FRMPD4: variants seen among roughly 807,000 people sequenced by gnomAD.
FRMPD4 encodes FERM and PDZ domain-containing protein 4.
Under a neutral mutation model 94.1 loss-of-function variants are expected in FRMPD4, and 22 were observed. The observed-to-expected ratio is 0.23, with a 90% confidence interval of 0.17 to 0.33. The LOEUF (loss-of-function observed/expected upper bound fraction) is 0.33, where lower values mean the gene tolerates loss of function less well. Ranked by LOEUF, FRMPD4 falls within the 10% of genes least tolerant of loss-of-function variation. FRMPD4 has a pLI of 1.00. For missense variants in FRMPD4, 1,111 were observed against 1,339.9 expected (o/e 0.83, Z 2.67); for synonymous variants, 631 against 548.6 (o/e 1.15, Z -2.10).
intron 3 of FRMPD4, among the ~76,000 whole-genome samples, chrX:12,033,127 T>G (rs1390163640): frequency 8.9e-6 from 1 of 112,179 alleles, no homozygotes; most frequent in African/African-American, 3.2e-5. Flanking sequence ...GTAAGTGGTG[T>G]CAATTTAGCG....
rs1001043056 is a variant in FRMPD4, at chrX:12,666,362, A to T, written c.423-8501A>T. 8.1e-5 allele frequency among the ~76,000 whole-genome samples: 9 copies of T among 111,443 alleles called. No individual in the cohort carries two copies. In the Admixed American group the frequency reaches 8.6e-4, roughly 11 times the overall value. On this transcript the variant is annotated intron_variant, in intron 4 of 16. Coordinates refer to ENST00000675598, the MANE Select transcript of FRMPD4 (RefSeq NM_001368397.1). ...TTTAACACCCCACTGTCAGTAGTAG[A>T]CAGATCAATGAGACAGAAAATTAAC... is the stretch of plus-strand genomic sequence containing the variant.
At chrX:12,288,661 C>T (rs922804976) in intron 1 of FRMPD4, among the ~76,000 whole-genome samples, 1 of 111,717 alleles carries the variant, frequency 9.0e-6, no homozygotes, top group Admixed American at 9.5e-5. Flanking sequence ...TAATTTTTCT[C>T]TGCCAAGATG....
chrX:12,018,151 C>T (rs893178056), intron 3 of FRMPD4, among the ~76,000 whole-genome samples: 3 of 110,258 alleles, frequency 2.7e-5, no homozygotes, highest in Non-Finnish European at 5.7e-5. Flanking sequence ...AAAAAAACAA[C>T]CAGGAACTTA....
At chrX:12,331,293 C>A in intron 1 of FRMPD4, among the ~76,000 whole-genome samples, 1 of 103,348 alleles carries the variant, frequency 9.7e-6, no homozygotes, top group South Asian at 4.4e-4. Flanking sequence ...ATTATAAAGA[C>A]ATTAAGGTTA....
chrX:12,045,425 T>A (rs1289409876), intron 3 of FRMPD4, among the ~76,000 whole-genome samples: 5 of 111,754 alleles, frequency 4.5e-5, no homozygotes, highest in Non-Finnish European at 9.4e-5. Context: ...AAGGTTGTTT[T>A]TCCTTTGCAT....
intron 2 of FRMPD4, among the ~76,000 whole-genome samples, chrX:12,504,744 T>C (rs773843394): frequency 1.1e-4 from 12 of 112,396 alleles, no homozygotes; most frequent in Non-Finnish European, 2.3e-4. Flanking sequence ...TAATTTGGCA[T>C]ATGGCACAAA....
chrX:12,127,375 G>A (rs922600497), intron 3 of FRMPD4, among the ~76,000 whole-genome samples: 4 of 111,607 alleles, frequency 3.6e-5, no homozygotes, highest in Non-Finnish European at 7.5e-5. Context: ...TTCTTCACAA[G>A]GCAGCAGGAG....
intron 3 of FRMPD4, among the ~76,000 whole-genome samples, chrX:12,006,950 A>C (rs1163324140): frequency 1.8e-5 from 2 of 112,075 alleles, no homozygotes; most frequent in Admixed American, 1.9e-4. Flanking sequence ...TCTACTTAAA[A>C]GAGTTAAGTG....
intron 1 of FRMPD4, among the ~76,000 whole-genome samples, chrX:12,233,026 C>T (rs950629438): frequency 1.8e-5 from 2 of 111,881 alleles, no homozygotes; most frequent in Non-Finnish European, 3.8e-5. Context: ...TTGCCTTACC[C>T]AGTACTAAAG....
intron 3 of FRMPD4, among the ~76,000 whole-genome samples, chrX:12,087,564 T>C (rs2055121230): frequency 9.0e-6 from 1 of 111,710 alleles, no homozygotes; most frequent in African/African-American, 3.3e-5. Flanking sequence ...CTGGCACCAG[T>C]ATGCACTAAG....
chrX:12,716,095 C>G lies in FRMPD4; in HGVS notation c.1636C>G (p.Leu546Val). The change falls in exon 15 of 17, where the codon CTC becomes GTC. Residue 546 changes from leucine (L) to valine (V), a missense_variant. Transcript: ENST00000675598. ...ACCTGAAAACAAGGGGAAGCATAAC[C>G]TCCTTGGCCCAGATTGGAACTGTAT... ...TGPENKGKHN[L>V]LGPDWNCIPQ... The G allele has an allele frequency of 9.4e-7, 1 of 1,068,338 alleles. No homozygotes were observed. Among genetic ancestry groups the G allele is most frequent in the South Asian group, 1.9e-5 (1 of 51,907 alleles). The allele number at this position is 1,068,338 out of a possible 1,213,427, so 88.0% of individuals were successfully genotyped here. A position where few individuals can be genotyped will look rare whatever the true frequency, so the allele number is the denominator to read the frequency against.
intron 1 of FRMPD4, among the ~76,000 whole-genome samples, chrX:12,313,367 G>A (rs1358350545): frequency 8.9e-6 from 1 of 112,702 alleles, no homozygotes; most frequent in African/African-American, 3.2e-5. Flanking sequence ...ACTGTGGCCT[G>A]CAAGCCAGAT....
chrX:12,274,870 G>C (rs1383914979), intron 1 of FRMPD4, among the ~76,000 whole-genome samples: 1 of 111,713 alleles, frequency 9.0e-6, no homozygotes, highest in Non-Finnish European at 1.9e-5. Flanking sequence ...TTAGCCAGAC[G>C]CGGTGGTGGG....
rs569179256 is a variant in FRMPD4, at chrX:12,162,149, G to A, written c.41+23137G>A. Among the ~76,000 whole-genome samples, 6 of 112,577 alleles carry A rather than the reference G, an allele frequency of 5.3e-5. No homozygotes were observed. In the East Asian group the frequency reaches 1.1e-3, roughly 21 times the overall value. ...CGTGGAAGTTAATATTGAATTGCAG[G>A]TAAAACTAGATATTTTCCTTCTGGA... On this transcript the variant is annotated intron_variant, in intron 1 of 16. Transcript: ENST00000675598.
chrX:11,963,097 G>A (rs1406365185), intron 3 of FRMPD4, among the ~76,000 whole-genome samples: 1 of 83,195 alleles, frequency 1.2e-5, no homozygotes, highest in African/African-American at 3.9e-5. Context: ...ACTAGGGTGG[G>A]CAAGTGAAAT....
chrX:12,012,289 A>G (rs1254469067), intron 3 of FRMPD4, among the ~76,000 whole-genome samples: 2 of 111,606 alleles, frequency 1.8e-5, no homozygotes, highest in Non-Finnish European at 3.8e-5. Context: ...GCAGACATCC[A>G]TGTCTTTTTT....
At chrX:12,265,899 T>G (rs2054265258) in intron 1 of FRMPD4, among the ~76,000 whole-genome samples, 1 of 105,563 alleles carries the variant, frequency 9.5e-6, no homozygotes, top group Non-Finnish European at 1.9e-5. Context: ...GAGGCCGAGG[T>G]GGGCGGATCA....
At chrX:12,019,641 T>A (rs1378447812) in intron 3 of FRMPD4, among the ~76,000 whole-genome samples, 1 of 106,076 alleles carries the variant, frequency 9.4e-6, no homozygotes, top group Non-Finnish European at 2.0e-5. Context: ...ACTGCTCACT[T>A]TTTTTTTTTT....
chrX:12,617,597 A>G (rs1161596761), intron 4 of FRMPD4, among the ~76,000 whole-genome samples: 2 of 112,349 alleles, frequency 1.8e-5, no homozygotes, highest in Non-Finnish European at 3.8e-5. Flanking sequence ...TGGGCTCCTC[A>G]GCTGATATAT....
Sources: allele counts gnomAD v4.1 joint callset (sites outside exome capture counted in the v4.1 genomes callset), GRCh38; gene constraint gnomAD v4.1.1; transcripts MANE v1.5; gene names NCBI Gene and HGNC (gene_info 2026-07-23, HGNC 2026-07-21).